Variants in PGAP1 observed in about 807,000 individuals in gnomAD.
PGAP1 encodes the protein post-GPI attachment to proteins inositol deacylase 1, also known as GPI inositol-deacylase.
In PGAP1, 76 loss-of-function variants were observed where a neutral mutation model predicts 127.0. That is an observed-to-expected ratio of 0.60 (90% confidence interval 0.50 to 0.72). The LOEUF is 0.72. Among genes scored for constraint, PGAP1 ranks in the 30% least tolerant of loss-of-function variants. The pLI is 0.00. For missense variants in PGAP1, 982 were observed against 1,071.3 expected, an observed-to-expected ratio of 0.92 and a Z score of 1.16; for synonymous variants, 362 against 366.5, an observed-to-expected ratio of 0.99 and a Z score of 0.14.
intron 10 of PGAP1, among the ~76,000 whole-genome samples, chr2:196,886,919 A>G (rs1701929298): frequency 6.6e-6 from 1 of 152,018 alleles, no homozygotes. Flanking sequence ...GATGGTCTCC[A>G]TCTCTTGACC....
At chr2:196,914,990 T>C (rs915708476) in intron 3 of PGAP1, among the ~76,000 whole-genome samples, 2 of 152,060 alleles carry the variant, frequency 1.3e-5, no homozygotes. Context: ...CTAATATATA[T>C]ATTTTTTTGT....
At chr2:196,913,757 G>C (rs538793714) in intron 3 of PGAP1, among the ~76,000 whole-genome samples, 48 of 152,336 alleles carry the variant, frequency 3.2e-4, no homozygotes, top group Admixed American at 7.8e-4. Flanking sequence ...GCCTGAGACT[G>C]CTGTCCTTGG....
intron 12 of PGAP1, among the ~76,000 whole-genome samples, chr2:196,884,377 G>T (rs562605531): frequency 6.6e-6 from 1 of 152,172 alleles, no homozygotes. Flanking sequence ...CCTTAAAAAT[G>T]TTCAAGAGTC....
At position 196,834,902 on chromosome 2, in the gene PGAP1, T is replaced by C. The variant is rs1576066586; in HGVS notation, c.*6332A>G. 1 of 152,022 alleles carries C rather than the reference T, an allele frequency of 6.6e-6. No homozygotes were observed. Among genetic ancestry groups the C allele is most frequent in the East Asian group, 1.9e-4 (1 of 5,198 alleles). The allele number at this position is 152,022 out of a possible 1,614,324, so 9.4% of individuals were successfully genotyped here. On this transcript the variant is annotated 3_prime_UTR_variant, in exon 27 of 27. Transcript: ENST00000354764. ...TACTAATAACACCTATGGTCCCCAT[T>C]AGAATAAACTGTCACTAAATCAAGG...
chr2:196,865,828 T>C (rs1338200065), intron 19 of PGAP1, among the ~76,000 whole-genome samples: 1 of 151,992 alleles, frequency 6.6e-6, no homozygotes, highest in Non-Finnish European at 1.5e-5. Flanking sequence ...TATACACCAG[T>C]AACAGACAAA....
chr2:196,911,606 TAAAAAAAAAAAAAAAA>T (rs56107551), intron 4 of PGAP1, among the ~76,000 whole-genome samples: 2 of 77,286 alleles, frequency 2.6e-5, no homozygotes, highest in Non-Finnish European at 4.7e-5. Context: ...TAGAGTATAA[TAAAAAAAAAAAAAAAA>T]AAAAAAAAAA....
chr2:196,843,821 C>T lies in PGAP1; in HGVS notation c.2525+67G>A, dbSNP rs533927060. ...TTTTCATTAACCATTAGGAATCTAG[C>T]AAGTCTCTACTTAGGGATATTTATT... On this transcript the variant is annotated intron_variant, in intron 25 of 26. Transcript: ENST00000354764. 13 of 1,025,780 alleles carry T rather than the reference C, an allele frequency of 1.3e-5. No individual in the cohort carries two copies. The African/African-American group carries it at 1.5e-4, about 12-fold the overall frequency. 63.5% of individuals were successfully genotyped at this position (1,025,780 alleles called of 1,614,324 possible).
At chr2:196,887,561 T>G (rs188118580) in intron 10 of PGAP1, among the ~76,000 whole-genome samples, 22 of 152,282 alleles carry the variant, frequency 1.4e-4, no homozygotes, top group African/African-American at 4.8e-4. Flanking sequence ...TACATAAATT[T>G]GTCCTTTGAA....
At chr2:196,841,764 G>A (rs867168177) in intron 26 of PGAP1, among the ~76,000 whole-genome samples, 8 of 152,044 alleles carry the variant, frequency 5.3e-5, no homozygotes, top group African/African-American at 1.4e-4. Flanking sequence ...TGATCCACCC[G>A]CCTTGGCCTC....
chr2:196,844,477 T>A, intron 24 of PGAP1, 47 bp downstream of exon 24: 1 of 1,336,394 alleles, frequency 7.5e-7, no homozygotes, highest in Non-Finnish European at 1.0e-6. Flanking sequence ...TATTTCCCCA[T>A]GTTCTTTCAT....
rs369721744 is a variant in PGAP1, at chr2:196,846,954, A to G, written c.2150+49T>C. On this transcript the variant is annotated intron_variant, in intron 22 of 26. Transcript: ENST00000354764. ...AATTTCAGGTTCCTTATCAGAATAT[A>G]TATTTCTTCTTAAAGCAATAAGAAA... 7 of 1,429,386 alleles carry G rather than the reference A, an allele frequency of 4.9e-6. No homozygotes were observed. The African/African-American group carries it at 7.2e-5, about 15-fold the overall frequency. 88.5% of individuals were successfully genotyped at this position (1,429,386 alleles called of 1,614,324 possible).
intron 2 of PGAP1, among the ~76,000 whole-genome samples, chr2:196,917,298 G>T (rs1703045689): frequency 6.6e-6 from 1 of 152,082 alleles, no homozygotes; most frequent in African/African-American, 2.4e-5. Context: ...ATACCTGTTT[G>T]CCATTTCATT....
intron 12 of PGAP1, among the ~76,000 whole-genome samples, chr2:196,882,411 A>T (rs1228685398): frequency 1.3e-5 from 2 of 152,226 alleles, no homozygotes; most frequent in African/African-American, 2.4e-5. Flanking sequence ...TTTAATAGAA[A>T]TAACACTGAA....
intron 20 of PGAP1, among the ~76,000 whole-genome samples, chr2:196,863,028 C>T (rs1285718083): frequency 6.6e-6 from 1 of 152,080 alleles, no homozygotes; most frequent in Non-Finnish European, 1.5e-5. Flanking sequence ...ATTACCTCAC[C>T]CTAGTTAAAA....
chr2:196,915,246 G>T (rs916160323), intron 3 of PGAP1, among the ~76,000 whole-genome samples: 1 of 152,092 alleles, frequency 6.6e-6, no homozygotes, highest in Admixed American at 6.5e-5. Flanking sequence ...GGTGACTCAG[G>T]TCTCCGCCCT....
At chr2:196,922,441 A>G (rs1219430660) in intron 1 of PGAP1, 6 of 983,982 alleles carry the variant, frequency 6.1e-6, no homozygotes, top group African/African-American at 1.8e-5. Flanking sequence ...CATCCCCCAT[A>G]AGAATAGTTA....
At chr2:196,844,643 T>TA in intron 23 of PGAP1, 69 bp from the exon 24 acceptor site, 1 of 1,082,136 alleles carries the variant, frequency 9.2e-7, no homozygotes, top group South Asian at 1.5e-5. Context: ...CTTTTGGTAT[T>TA]AAAAATGAGA....
At chr2:196,901,338 A>G (rs902448167) in intron 5 of PGAP1, among the ~76,000 whole-genome samples, 16 of 152,188 alleles carry the variant, frequency 1.1e-4, no homozygotes, top group African/African-American at 3.9e-4. Flanking sequence ...TAGCTTAATA[A>G]TTTTTGTTCT....
intron 2 of PGAP1, among the ~76,000 whole-genome samples, chr2:196,918,000 T>G (rs140249181): frequency 8.5e-5 from 13 of 152,288 alleles, no homozygotes; most frequent in African/African-American, 2.2e-4. Context: ...ACACTTGTTG[T>G]TATCCATCTT....
Sources: gnomAD v4.1 joint callset for allele counts (sites outside exome capture counted in the v4.1 genomes callset) on GRCh38, gnomAD v4.1.1 for gene constraint, MANE v1.5 for transcripts, NCBI Gene and HGNC (gene_info 2026-07-23, HGNC 2026-07-21) for gene names.